CSMD3: variants seen among roughly 807,000 people sequenced by gnomAD.
The protein encoded by CSMD3 is CUB and Sushi multiple domains 3, also known as CUB and sushi domain-containing protein 3.
Under a neutral mutation model 435.2 loss-of-function variants are expected in CSMD3, and 177 were observed. The ratio of observed to expected loss-of-function variants is 0.41; its 90% confidence interval spans 0.36 to 0.46. The LOEUF (loss-of-function observed/expected upper bound fraction) is 0.46. Among genes scored for constraint, CSMD3 ranks in the 20% least tolerant of loss-of-function variants. The probability of loss-of-function intolerance (pLI) is 0.34; values close to 1 mark genes in which losing one functional copy is unlikely to be tolerated. For synonymous variants in CSMD3, 1,656 were observed against 1,520.5 expected (o/e 1.09, Z -2.07); for missense variants, 4,265 against 4,504.6 (o/e 0.95, Z 1.52).
At chr8:112,508,276 T>C (rs973498338) in intron 28 of CSMD3, among the ~76,000 whole-genome samples, 1 of 152,164 alleles carries the variant, frequency 6.6e-6, no homozygotes, top group African/African-American at 2.4e-5. Flanking sequence ...AATTGTTTAC[T>C]ATAAGGAAAC....
chr8:112,657,961 A>T (rs1365440378), intron 17 of CSMD3, among the ~76,000 whole-genome samples: 1 of 152,218 alleles, frequency 6.6e-6, no homozygotes, highest in Non-Finnish European at 1.5e-5. Flanking sequence ...GTTTTTGTCA[A>T]TGCTTTGCAT....
chr8:112,323,172 C>CAAACAAAT (rs1321519730), intron 45 of CSMD3, among the ~76,000 whole-genome samples: 1 of 151,816 alleles, frequency 6.6e-6, no homozygotes, highest in African/African-American at 2.4e-5. Context: ...AACAAACAAA[C>CAAACAAAT]AAACCTCTTT....
At chr8:112,630,172 C>A (rs573125678) in intron 22 of CSMD3, among the ~76,000 whole-genome samples, 1 of 152,128 alleles carries the variant, frequency 6.6e-6, no homozygotes. Flanking sequence ...GACTCTCAAC[C>A]CACAGAAACC....
chr8:113,343,288 A>G (rs938022147), intron 1 of CSMD3, among the ~76,000 whole-genome samples: 2 of 152,212 alleles, frequency 1.3e-5, no homozygotes, highest in East Asian at 3.8e-4. Flanking sequence ...TCAATAGGAA[A>G]TGTTGGTACA....
At chr8:112,786,130 T>C (rs1437388677) in intron 13 of CSMD3, among the ~76,000 whole-genome samples, 4 of 151,968 alleles carry the variant, frequency 2.6e-5, no homozygotes, top group Non-Finnish European at 5.9e-5. Context: ...ATCCATACAT[T>C]TGCAATGAAC....
At chr8:112,810,450 C>CA (rs1192423587) in intron 12 of CSMD3, among the ~76,000 whole-genome samples, 1 of 152,010 alleles carries the variant, frequency 6.6e-6, no homozygotes, top group Non-Finnish European at 1.5e-5. Flanking sequence ...AGCTTTGGGA[C>CA]ACAAGTCTCT....
At chr8:112,893,532 A>G (rs1368324111) in intron 10 of CSMD3, among the ~76,000 whole-genome samples, 4 of 151,510 alleles carry the variant, frequency 2.6e-5, no homozygotes, top group Non-Finnish European at 5.9e-5. Flanking sequence ...TAGATAAAGT[A>G]ACTAACTTCC....
At chr8:113,235,107 G>C (rs2093132994) in intron 3 of CSMD3, among the ~76,000 whole-genome samples, 1 of 152,074 alleles carries the variant, frequency 6.6e-6, no homozygotes, top group African/African-American at 2.4e-5. Flanking sequence ...ACATTTAAGC[G>C]GACTTTCAAA....
intron 32 of CSMD3, among the ~76,000 whole-genome samples, chr8:112,421,313 T>G (rs1195303910): frequency 6.6e-6 from 1 of 151,828 alleles, no homozygotes; most frequent in East Asian, 1.9e-4. Context: ...GAGGCCTAGG[T>G]GGGAGGATCA....
At chr8:112,442,889 G>C (rs1013242083) in intron 32 of CSMD3, among the ~76,000 whole-genome samples, 3 of 152,152 alleles carry the variant, frequency 2.0e-5, no homozygotes, top group Admixed American at 6.5e-5. Context: ...CTGGCCTAAG[G>C]GATGTCAGAG....
chr8:113,216,171 A>G (rs1475284889), intron 3 of CSMD3, among the ~76,000 whole-genome samples: 1 of 151,922 alleles, frequency 6.6e-6, no homozygotes, highest in Non-Finnish European at 1.5e-5. Context: ...AAAAATCCAT[A>G]AGAAATAATT....
chr8:113,135,904 C>A (rs1211724019), intron 4 of CSMD3, among the ~76,000 whole-genome samples: 5 of 151,666 alleles, frequency 3.3e-5, no homozygotes, highest in Non-Finnish European at 7.4e-5. Context: ...TATTTTAAGT[C>A]TAATTTAACT....
rs1469404588 is a variant in CSMD3, at chr8:112,249,626, T to C, written c.10111-2495A>G. On this transcript the variant is annotated intron_variant, in intron 63 of 70. Transcript: ENST00000297405. ...TGACCTTATTATTCACCCATTAGGA[T>C]AAAGTTACATTGAGCTAACATGACA... 3.3e-5 allele frequency among the ~76,000 whole-genome samples: 5 copies of C among 152,240 alleles called. No individual in the cohort carries two copies. In the East Asian group the frequency reaches 9.7e-4, roughly 29 times the overall value.
chr8:113,181,270 A>G (rs2092418202), intron 3 of CSMD3, among the ~76,000 whole-genome samples: 1 of 152,034 alleles, frequency 6.6e-6, no homozygotes, highest in South Asian at 2.1e-4. Context: ...GGTAAGATGC[A>G]TATATTTCCA....
chr8:113,311,403 T>A (rs1338102989), intron 2 of CSMD3: 2 of 152,076 alleles, frequency 1.3e-5, no homozygotes, highest in Non-Finnish European at 2.9e-5. Flanking sequence ...CAAGCAAGAA[T>A]GACAAGACCC....
intron 35 of CSMD3, among the ~76,000 whole-genome samples, chr8:112,392,872 T>C (rs984532469): frequency 2.7e-5 from 4 of 147,446 alleles, no homozygotes; most frequent in South Asian, 2.1e-4. Context: ...TTCTTTTTTT[T>C]TTTTTTTTTT....
chr8:112,717,961 A>G (rs945081916), intron 13 of CSMD3, among the ~76,000 whole-genome samples: 6 of 152,056 alleles, frequency 3.9e-5, no homozygotes, highest in African/African-American at 1.4e-4. Flanking sequence ...TACCTTATGC[A>G]TGTAGGGCTT....
chr8:112,402,531 ACT>A (rs1282410502), intron 35 of CSMD3, among the ~76,000 whole-genome samples: 3 of 152,118 alleles, frequency 2.0e-5, no homozygotes, highest in Non-Finnish European at 4.4e-5. Context: ...TCATTATATT[ACT>A]CTGTTTTTAC....
At chr8:112,270,271 T>C (rs1817344379) in intron 59 of CSMD3, among the ~76,000 whole-genome samples, 2 of 151,406 alleles carry the variant, frequency 1.3e-5, no homozygotes, top group South Asian at 4.2e-4. Context: ...ATCATTGAAA[T>C]GAACAAGGCA....
Sources: allele counts gnomAD v4.1 joint callset (sites outside exome capture counted in the v4.1 genomes callset), GRCh38; gene constraint gnomAD v4.1.1; transcripts MANE v1.5; gene names NCBI Gene and HGNC (gene_info 2026-07-23, HGNC 2026-07-21).